ZNF292: variants seen among roughly 807,000 people sequenced by gnomAD.
ZNF292 encodes the protein 16 zinc-finger domain protein.
Under a neutral mutation model 217.9 loss-of-function variants are expected in ZNF292, and 26 were observed. The ratio of observed to expected loss-of-function variants is 0.12; its 90% CI spans 0.09 to 0.17. The LOEUF (loss-of-function observed/expected upper bound fraction) is 0.17, where lower values mean the gene tolerates loss of function less well. Ranked by LOEUF, ZNF292 falls within the 10% of genes least tolerant of loss-of-function variation. ZNF292 has a pLI of 1.00. For synonymous variants in ZNF292, 1,257 were observed against 1,124.1 expected, an observed-to-expected ratio of 1.12 and a Z score of -2.37; for missense variants, 2,904 against 3,175.2, an observed-to-expected ratio of 0.91 and a Z score of 2.05.
chr6:87,261,120 C>G lies in ZNF292; in HGVS notation c.7491C>G (p.Ser2497Arg), dbSNP rs748209938. The change falls in exon 8 of 8, where the codon AGC (serine) becomes AGG (arginine). Residue 2497 changes from serine (S) to arginine (R), a missense_variant. By Grantham distance (110) the Ser-to-Arg change is moderately radical. Around this residue, in one of 15 missense-constraint regions of ZNF292, gnomAD observed 380 missense variants for 355.3 expected, o/e 1.07. Coordinates refer to ENST00000369577, the MANE Select transcript of ZNF292 (RefSeq NM_015021.3). The stretch of plus-strand genomic sequence containing the variant: ...TTACAAAATTAATAAATGAAGATAG[C>G]ACAAGTGTAGAGACCCAAGCTAATA... ...LFITKLINEDSTSVETQANTS... is the reference protein window; with the variant it reads ...LFITKLINEDRTSVETQANTS... 1 of 1,612,336 alleles carries G rather than the reference C, an allele frequency of 6.2e-7. No individual in the cohort carries two copies. Among genetic ancestry groups the G allele is most frequent in the Non-Finnish European group, 8.5e-7 (1 of 1,179,332 alleles).
Position 87,257,442 on chromosome 6 carries a change from A to G in ZNF292, c.3813A>G (p.Ser1271=). The G allele has an allele frequency of 6.2e-7, 1 of 1,613,512 alleles. No individual in the cohort carries two copies. The highest frequency in any genetic ancestry group is 1.3e-5 in the African/African-American group (1 of 75,046). ...PFLPLPAESS[S]MSLFPSPADS... ...TTCCTTTACCTGCAGAAAGTAGTTCAATGTCTCTCTTCCCTTCACCAGCAG... is the reference window on the plus strand; with the variant it reads ...TTCCTTTACCTGCAGAAAGTAGTTCGATGTCTCTCTTCCCTTCACCAGCAG... Residue 1271 remains serine (S), a synonymous_variant, in exon 8 of 8, where the codon TCA becomes TCG. Transcript: ENST00000369577.
At chr6:87,171,437 G>C (rs1234668928) in intron 1 of ZNF292, among the ~76,000 whole-genome samples, 1 of 151,590 alleles carries the variant, frequency 6.6e-6, no homozygotes, top group Non-Finnish European at 1.5e-5. Flanking sequence ...CTTACATATA[G>C]ACTAGAGGTA....
intron 1 of ZNF292, among the ~76,000 whole-genome samples, chr6:87,171,145 A>G (rs925501242): frequency 6.6e-6 from 1 of 152,208 alleles, no homozygotes; most frequent in Admixed American, 6.5e-5. Flanking sequence ...ATAATAATTT[A>G]TAAAAGATAC....
intron 1 of ZNF292, among the ~76,000 whole-genome samples, chr6:87,161,206 A>G (rs2127768800): frequency 6.6e-6 from 1 of 152,316 alleles, no homozygotes; most frequent in East Asian, 1.9e-4. Context: ...CAGCATAATT[A>G]TCCTGATTAA....
At chr6:87,233,300 A>G (rs747997740) in intron 4 of ZNF292, 25 bp from the exon 5 acceptor site, 1 of 1,507,092 alleles carries the variant, frequency 6.6e-7, no homozygotes, top group Admixed American at 1.9e-5. Context: ...AATGTTAATA[A>G]TCTATTATGT....
chr6:87,220,068 C>CCCGAA (rs1773005264), intron 4 of ZNF292, among the ~76,000 whole-genome samples: 1 of 152,156 alleles, frequency 6.6e-6, no homozygotes, highest in Non-Finnish European at 1.5e-5. Flanking sequence ...CTCAAGCCAT[C>CCCGAA]CTCCCACCTC....
chr6:87,160,474 CAT>C (rs1347277035), intron 1 of ZNF292, among the ~76,000 whole-genome samples: 1 of 137,828 alleles, frequency 7.3e-6, no homozygotes, highest in Non-Finnish European at 1.5e-5. Context: ...TACATACGTA[CAT>C]GTGTTTGTAT....
rs989337146 is a variant in ZNF292 at position 87,167,566 on chromosome 6, G to A, written c.168+11807G>A. ...TGAGCAAGGAGAATCACTTGAACTA[G>A]GGAGGTGGAGGTTGCGGTGAGCCAA... On this transcript the variant is annotated intron_variant, in intron 1 of 7. Coordinates refer to ENST00000369577, the MANE Select transcript of ZNF292 (RefSeq NM_015021.3). 1.3e-4 allele frequency among the ~76,000 whole-genome samples: 20 copies of A among 152,208 alleles called. 1 individual carries two copies.
At chr6:87,189,650 G>C (rs921574411) in intron 1 of ZNF292, among the ~76,000 whole-genome samples, 1 of 150,966 alleles carries the variant, frequency 6.6e-6, no homozygotes, top group African/African-American at 2.4e-5. Context: ...TTTACAGGGT[G>C]GGGGGAAGAA....
At chr6:87,220,875 A>G (rs1005971591) in intron 4 of ZNF292, among the ~76,000 whole-genome samples, 4 of 152,162 alleles carry the variant, frequency 2.6e-5, no homozygotes, top group Non-Finnish European at 5.9e-5. Flanking sequence ...AACTAATACA[A>G]TACAGCTCAT....
intron 5 of ZNF292, among the ~76,000 whole-genome samples, chr6:87,236,634 T>TA (rs1773917800): frequency 6.6e-6 from 1 of 152,226 alleles, no homozygotes; most frequent in South Asian, 2.1e-4. Context: ...TGTATCTCTG[T>TA]AGCTGTCTCA....
At chr6:87,225,346 A>AT (rs1265350704) in intron 4 of ZNF292, among the ~76,000 whole-genome samples, 1 of 152,134 alleles carries the variant, frequency 6.6e-6, no homozygotes, top group African/African-American at 2.4e-5. Flanking sequence ...TCTTAAGAGC[A>AT]ACTTAGCAGA....
intron 5 of ZNF292, among the ~76,000 whole-genome samples, chr6:87,240,425 T>G (rs1431657355): frequency 6.6e-6 from 1 of 152,128 alleles, no homozygotes; most frequent in Non-Finnish European, 1.5e-5. Context: ...GTTTTTTAAT[T>G]TTTTATTTTT....
intron 4 of ZNF292, among the ~76,000 whole-genome samples, chr6:87,229,124 T>A (rs1368992458): frequency 6.6e-6 from 1 of 152,224 alleles, no homozygotes; most frequent in Non-Finnish European, 1.5e-5. Context: ...TACAGGTCTT[T>A]CGCCTCCTCC....
At chr6:87,212,415 A>G (rs1772533006) in intron 1 of ZNF292, among the ~76,000 whole-genome samples, 1 of 152,198 alleles carries the variant, frequency 6.6e-6, no homozygotes, top group Admixed American at 6.5e-5. Flanking sequence ...GGGTGGGGCT[A>G]CAAGTTCCAT....
intron 1 of ZNF292, among the ~76,000 whole-genome samples, chr6:87,185,901 G>A (rs1015778903): frequency 4.6e-5 from 7 of 152,100 alleles, no homozygotes; most frequent in African/African-American, 1.7e-4. Context: ...GACCTTCCAC[G>A]CCCTGCCTGG....
At chr6:87,181,987 A>AT (rs1771486932) in intron 1 of ZNF292, among the ~76,000 whole-genome samples, 1 of 151,844 alleles carries the variant, frequency 6.6e-6, no homozygotes, top group South Asian at 2.1e-4. Flanking sequence ...CATTTTTTTG[A>AT]TTGGATCCTA....
intron 1 of ZNF292, among the ~76,000 whole-genome samples, chr6:87,186,294 T>C (rs191623727): frequency 2.0e-5 from 3 of 152,248 alleles, no homozygotes; most frequent in Non-Finnish European, 4.4e-5. Flanking sequence ...AAAACTGTAA[T>C]GTTACTTTAT....
chr6:87,240,213 G>T (rs1176070131), intron 5 of ZNF292, among the ~76,000 whole-genome samples: 1 of 151,580 alleles, frequency 6.6e-6, no homozygotes, highest in Non-Finnish European at 1.5e-5. Context: ...CCAGTCAGGC[G>T]TGGCGGCATG....
Sources: gnomAD v4.1 joint callset for allele counts (sites outside exome capture counted in the v4.1 genomes callset) on GRCh38, gnomAD v4.1.1 for gene constraint, gnomAD v4.1.1 regional missense constraint, MANE v1.5 for transcripts, NCBI Gene and HGNC (gene_info 2026-07-23, HGNC 2026-07-21) for gene names.